CDKAL1: variants seen among roughly 807,000 people sequenced by gnomAD.
The protein encoded by CDKAL1 is CDKAL1 threonylcarbamoyladenosine tRNA methylthiotransferase.
A neutral mutation model predicts 68.2 loss-of-function variants in CDKAL1; 32 were observed. The observed-to-expected ratio is 0.47, with a 90% confidence interval of 0.35 to 0.63. The LOEUF (loss-of-function observed/expected upper bound fraction) is 0.63. Ranked by LOEUF, CDKAL1 falls within the 30% of genes least tolerant of loss-of-function variation. CDKAL1 has a pLI of 0.00. For synonymous variants in CDKAL1, 234 were observed against 244.3 expected, an observed-to-expected ratio of 0.96 and a Z score of 0.39; for missense variants, 606 against 696.7, an observed-to-expected ratio of 0.87 and a Z score of 1.47.
At chr6:20,818,745 T>TTA (rs1275728511) in intron 8 of CDKAL1, among the ~76,000 whole-genome samples, 1 of 150,712 alleles carries the variant, frequency 6.6e-6, no homozygotes, top group Non-Finnish European at 1.5e-5. Flanking sequence ...TACTTAATAA[T>TTA]TATATATATA....
intron 12 of CDKAL1, among the ~76,000 whole-genome samples, chr6:21,089,185 T>C (rs1206737163): frequency 6.6e-6 from 1 of 151,778 alleles, no homozygotes; most frequent in African/African-American, 2.4e-5. Flanking sequence ...CTTAAAAAAT[T>C]TACAGATAGG....
chr6:21,197,933 C>A (rs892635706), intron 13 of CDKAL1, 88 bp from the exon 14 acceptor site: 2 of 732,868 alleles, frequency 2.7e-6, no homozygotes, highest in Non-Finnish European at 2.2e-6. Flanking sequence ...TTGGTCCAGA[C>A]CTACCTGGGC....
intron 15 of CDKAL1, among the ~76,000 whole-genome samples, chr6:21,225,472 C>T (rs1582451220): frequency 6.6e-6 from 1 of 152,138 alleles, no homozygotes; most frequent in Non-Finnish European, 1.5e-5. Context: ...CTGGCCTTCT[C>T]TGTTTTTCAA....
chr6:20,945,015 A>G (rs896022952), intron 9 of CDKAL1, among the ~76,000 whole-genome samples: 6 of 152,038 alleles, frequency 3.9e-5, no homozygotes, highest in African/African-American at 1.5e-4. Flanking sequence ...TCTTTGTCCT[A>G]GAATTGCACT....
At chr6:20,900,956 T>C (rs1761930144) in intron 9 of CDKAL1, among the ~76,000 whole-genome samples, 1 of 152,230 alleles carries the variant, frequency 6.6e-6, no homozygotes, top group African/African-American at 2.4e-5. Flanking sequence ...TCAGTAGCAG[T>C]CATATACTGA....
intron 4 of CDKAL1, among the ~76,000 whole-genome samples, chr6:20,617,259 T>C (rs1766960206): frequency 6.8e-6 from 1 of 147,538 alleles, no homozygotes; most frequent in Non-Finnish European, 1.5e-5. Context: ...GTTTTATTAG[T>C]GTAGAAGTGT....
intron 11 of CDKAL1, among the ~76,000 whole-genome samples, chr6:21,047,371 G>T (rs779535188): frequency 6.6e-6 from 1 of 152,174 alleles, no homozygotes; most frequent in Admixed American, 6.5e-5. Context: ...CATTTACAAA[G>T]CCTTGTGAAT....
intron 9 of CDKAL1, among the ~76,000 whole-genome samples, chr6:20,876,577 C>A (rs1760530004): frequency 6.6e-6 from 1 of 151,918 alleles, no homozygotes. Context: ...CTTTTTTATT[C>A]CTAAAACTTT....
At chr6:20,645,359 T>C (rs895484460) in intron 4 of CDKAL1, among the ~76,000 whole-genome samples, 4 of 152,226 alleles carry the variant, frequency 2.6e-5, no homozygotes, top group African/African-American at 9.7e-5. Context: ...CACACTCTTG[T>C]AATAACACTT....
intron 8 of CDKAL1, among the ~76,000 whole-genome samples, chr6:20,813,732 G>A (rs1016043308): frequency 2.4e-4 from 36 of 152,030 alleles, no homozygotes; most frequent in Admixed American, 2.0e-3. Context: ...GAACACTGTC[G>A]ATACTCAACT....
chr6:21,041,810 G>A (rs563114490), intron 11 of CDKAL1, among the ~76,000 whole-genome samples: 13 of 151,982 alleles, frequency 8.6e-5, no homozygotes, highest in Admixed American at 1.3e-4. Context: ...GTAAAATCAC[G>A]TAACATCAAA....
At chr6:21,050,242 T>C (rs1413661711) in intron 11 of CDKAL1, among the ~76,000 whole-genome samples, 2 of 152,222 alleles carry the variant, frequency 1.3e-5, no homozygotes, top group African/African-American at 2.4e-5. Context: ...TTTTAGCATA[T>C]AGATTTTGCC....
At chr6:20,986,729 A>G (rs1013450119) in intron 10 of CDKAL1, among the ~76,000 whole-genome samples, 6 of 152,174 alleles carry the variant, frequency 3.9e-5, no homozygotes, top group South Asian at 2.1e-4. Flanking sequence ...TTAAAGATAT[A>G]TAAGTGGTAT....
chr6:20,589,330 C>T (rs1264349852), intron 4 of CDKAL1, among the ~76,000 whole-genome samples: 1 of 152,174 alleles, frequency 6.6e-6, no homozygotes, highest in Non-Finnish European at 1.5e-5. Context: ...TTAGTTACTT[C>T]CTTTTTATTT....
chr6:21,125,375 T>G (rs1452014060), intron 13 of CDKAL1, among the ~76,000 whole-genome samples: 1 of 152,166 alleles, frequency 6.6e-6, no homozygotes, highest in Non-Finnish European at 1.5e-5. Flanking sequence ...TGTGAGTCAA[T>G]TGAACTTCTT....
intron 14 of CDKAL1, 120 bp from the exon 15 acceptor site, chr6:21,200,990 G>A (rs761112302): frequency 1.3e-6 from 1 of 796,386 alleles, no homozygotes; most frequent in African/African-American, 1.7e-5. Context: ...TAAGAAAACT[G>A]GGAGTTAGGT....
At chr6:21,082,720 GT>G (rs1237507489) in intron 12 of CDKAL1, among the ~76,000 whole-genome samples, 2 of 152,066 alleles carry the variant, frequency 1.3e-5, no homozygotes, top group South Asian at 4.1e-4. Flanking sequence ...AAGACCTCCA[GT>G]ACAAGTTGAG....
At chr6:21,078,897 T>C (rs1166163431) in intron 12 of CDKAL1, among the ~76,000 whole-genome samples, 2 of 152,160 alleles carry the variant, frequency 1.3e-5, no homozygotes, top group African/African-American at 4.8e-5. Flanking sequence ...TTTTGAGAAA[T>C]GTGGGGGCTA....
At chr6:20,577,661 C>T (rs1487735113) in intron 4 of CDKAL1, among the ~76,000 whole-genome samples, 1 of 152,204 alleles carries the variant, frequency 6.6e-6, no homozygotes, top group Non-Finnish European at 1.5e-5. Flanking sequence ...ATGTAGGATT[C>T]TGTTTAGCAA....
Sources: allele counts gnomAD v4.1 joint callset (sites outside exome capture counted in the v4.1 genomes callset), GRCh38; gene constraint gnomAD v4.1.1; transcripts MANE v1.5; gene names NCBI Gene and HGNC (gene_info 2026-07-23, HGNC 2026-07-21).